The following ACYP2 variants were observed in gnomAD, a reference collection of about 807,000 sequenced individuals.
ACYP2 encodes acylphosphatase 2.
In ACYP2, 12 loss-of-function variants were observed where a neutral mutation model predicts 11.2. The ratio of observed to expected loss-of-function variants is 1.08; its 90% CI spans 0.69 to 1.74. ACYP2 has a LOEUF of 1.74. Among genes scored for constraint, ACYP2 ranks in the 40% most tolerant of loss-of-function variants. ACYP2 has a pLI of 0.00. For missense variants in ACYP2, 134 were observed against 101.9 expected (o/e 1.31, Z -1.35); for synonymous variants, 43 against 32.2 (o/e 1.33, Z -1.13).
At chr2:54,110,298 T>A (rs188481762) in intron 4 of ACYP2, among the ~76,000 whole-genome samples, 239 of 152,304 alleles carry the variant, frequency 1.6e-3, no homozygotes, top group African/African-American at 5.1e-3. Context: ...TATATCATAG[T>A]ACCCTTATGT....
chr2:54,185,756 T>C (rs541847041), intron 6 of ACYP2, among the ~76,000 whole-genome samples: 4 of 152,262 alleles, frequency 2.6e-5, no homozygotes. Flanking sequence ...ACCAATCATA[T>C]GCAGATTAAA....
chr2:54,081,049 A>G (rs1677619271), intron 4 of ACYP2, among the ~76,000 whole-genome samples: 2 of 152,148 alleles, frequency 1.3e-5, no homozygotes, highest in African/African-American at 4.8e-5. Flanking sequence ...GGACATTTCA[A>G]ATTTTCTTGA....
chr2:54,301,716 A>C (rs936541754), intron 6 of ACYP2, among the ~76,000 whole-genome samples: 1 of 152,140 alleles, frequency 6.6e-6, no homozygotes, highest in Non-Finnish European at 1.5e-5. Context: ...ACTCTTTCTC[A>C]TTAGACATAA....
chr2:54,228,955 G>C (rs1267212569), intron 6 of ACYP2, among the ~76,000 whole-genome samples: 1 of 152,146 alleles, frequency 6.6e-6, no homozygotes, highest in African/African-American at 2.4e-5. Context: ...AGTAGAGGCA[G>C]CATTTCTTGA....
In ACYP2 at chr2:54,057,322, G is replaced by C; in HGVS notation, c.239G>C (p.Cys80Ser). 3 of 397,964 alleles carry C rather than the reference G, an allele frequency of 7.5e-6. 1 individual carries two copies. The highest frequency in any genetic ancestry group is 7.2e-5 in the East Asian group (2 of 27,942). 24.7% of individuals were successfully genotyped at this position (397,964 alleles called of 1,614,324 possible). Residue 80 changes from cysteine to serine, a missense_variant, in exon 4 of 7, where the codon TGC (cysteine) becomes TCC (serine). Physicochemically the swap from Cys to Ser is moderately radical, Grantham distance 112. Coordinates refer to ENST00000607452, the MANE Select transcript of ACYP2 (RefSeq NM_001320586.2). ...GAACCATGGAAGGAGAACATTTCTT[G>C]CTCATCAACTACTTTCATAAAATCA...
intron 4 of ACYP2, among the ~76,000 whole-genome samples, chr2:54,069,540 T>TA (rs1676914692): frequency 6.6e-6 from 1 of 152,122 alleles, no homozygotes; most frequent in Admixed American, 6.5e-5. Flanking sequence ...CGGGCGCCTG[T>TA]AGTCCTAGCT....
At chr2:54,182,806 T>G (rs1466076670) in intron 6 of ACYP2, among the ~76,000 whole-genome samples, 1 of 152,206 alleles carries the variant, frequency 6.6e-6, no homozygotes, top group Admixed American at 6.5e-5. Context: ...TTTTCTTGGC[T>G]TATTATTTGC....
rs574580533 is a variant in ACYP2 at position 54,149,100 on chromosome 2, A to C, written c.404+10352A>C. On this transcript the variant is annotated intron_variant, in intron 6 of 6. Transcript: ENST00000607452. ...ACCCCATCAGTACAAAAAACACAAA[A>C]ATTAGCTGGGCATGGGCCTTACTTT... 1.4e-4 allele frequency among the ~76,000 whole-genome samples: 21 copies of C among 152,332 alleles called. No homozygotes were observed. The South Asian group carries it at 3.5e-3, about 26-fold the overall frequency.
At position 54,134,534 on chromosome 2, in the gene ACYP2, C is replaced by G. The variant is rs1223435456; in HGVS notation, c.278-919C>G. Among the ~76,000 whole-genome samples the G allele has an allele frequency of 2.0e-5, 3 of 152,148 alleles. No individual in the cohort carries two copies. In the South Asian group the frequency reaches 6.2e-4, roughly 31 times the overall value. On this transcript the variant is annotated intron_variant, in intron 4 of 6. Coordinates refer to ENST00000607452, the MANE Select transcript of ACYP2 (RefSeq NM_001320586.2). The stretch of plus-strand genomic sequence containing the variant: ...GTATACTCAACTGTACCTGTAATAA[C>G]TATTTTGTTTTATTTAGCATTTAAA...
At chr2:54,171,641 A>G (rs369023344) in intron 6 of ACYP2, among the ~76,000 whole-genome samples, 1 of 152,126 alleles carries the variant, frequency 6.6e-6, no homozygotes, top group Non-Finnish European at 1.5e-5. Context: ...TGAGGATCTT[A>G]GTTTTTTTTT....
intron 6 of ACYP2, among the ~76,000 whole-genome samples, chr2:54,139,243 A>G (rs1681457944): frequency 6.6e-6 from 1 of 152,202 alleles, no homozygotes; most frequent in African/African-American, 2.4e-5. Context: ...ACAGATGCGT[A>G]GTGCCTTAGG....
chr2:54,297,888 T>C (rs923226920), intron 6 of ACYP2, among the ~76,000 whole-genome samples: 3 of 152,162 alleles, frequency 2.0e-5, no homozygotes, highest in African/African-American at 7.2e-5. Context: ...GCTGAAATGT[T>C]AGAATTGCCA....
At chr2:54,020,823 T>G in intron 2 of ACYP2, among the ~76,000 whole-genome samples, 1 of 152,248 alleles carries the variant, frequency 6.6e-6, no homozygotes, top group East Asian at 1.9e-4. Context: ...ATAGCATCTA[T>G]GTTGCAAATT....
At chr2:53,994,959 C>T (rs1227840279) in intron 2 of ACYP2, among the ~76,000 whole-genome samples, 2 of 152,138 alleles carry the variant, frequency 1.3e-5, no homozygotes, top group African/African-American at 4.8e-5. Flanking sequence ...AGTTGGTATA[C>T]CATGTGACAG....
chr2:54,276,502 T>C (rs1432897232), intron 6 of ACYP2, among the ~76,000 whole-genome samples: 2 of 152,146 alleles, frequency 1.3e-5, no homozygotes, highest in Non-Finnish European at 2.9e-5. Flanking sequence ...TAACTCTGGA[T>C]GTCATTACCT....
At chr2:54,173,314 TC>T (rs1683293185) in intron 6 of ACYP2, among the ~76,000 whole-genome samples, 1 of 152,282 alleles carries the variant, frequency 6.6e-6, no homozygotes, top group Non-Finnish European at 1.5e-5. Context: ...GAGCATTTTT[TC>T]ATGTGTCTGT....
chr2:54,185,485 T>G (rs1036996196), intron 6 of ACYP2, among the ~76,000 whole-genome samples: 1 of 152,240 alleles, frequency 6.6e-6, no homozygotes, highest in Non-Finnish European at 1.5e-5. Flanking sequence ...CTCTATTGTT[T>G]AAGCCTCTTG....
intron 4 of ACYP2, among the ~76,000 whole-genome samples, chr2:54,099,375 T>G (rs570385112): frequency 2.6e-4 from 40 of 152,322 alleles, no homozygotes; most frequent in African/African-American, 8.2e-4. Flanking sequence ...CGTAGATCTT[T>G]TGAACTCATT....
At chr2:54,296,577 G>A (rs1689532628) in intron 6 of ACYP2, among the ~76,000 whole-genome samples, 2 of 151,996 alleles carry the variant, frequency 1.3e-5, no homozygotes, top group South Asian at 4.1e-4. Context: ...TAAAAAAATT[G>A]TCTCCACCAC....
Sources: gnomAD v4.1 joint callset for allele counts (sites outside exome capture counted in the v4.1 genomes callset) on GRCh38, gnomAD v4.1.1 for gene constraint, MANE v1.5 for transcripts, NCBI Gene and HGNC (gene_info 2026-07-23, HGNC 2026-07-21) for gene names.